The following KCNMA1 variants were observed in gnomAD, a reference collection of about 807,000 sequenced individuals.
KCNMA1 encodes Calcium-activated potassium channel subunit alpha-1.
KCNMA1 carries 29 observed loss-of-function variants against 140.0 expected under a neutral mutation model. The ratio of observed to expected loss-of-function variants is 0.21; its 90% CI spans 0.15 to 0.28. The LOEUF is 0.28. Among genes scored for constraint, KCNMA1 ranks in the 10% least tolerant of loss-of-function variants. The pLI, the probability that KCNMA1 is intolerant of heterozygous loss-of-function variation, is 1.00. For synonymous variants in KCNMA1, 612 were observed against 611.9 expected (o/e 1.00, Z 0.00); for missense variants, 880 against 1,602.2 (o/e 0.55, Z 7.70).
At chr10:76,952,455 T>C (rs1408817670) in intron 21 of KCNMA1, among the ~76,000 whole-genome samples, 1 of 152,140 alleles carries the variant, frequency 6.6e-6, no homozygotes, top group Non-Finnish European at 1.5e-5. Flanking sequence ...GGGAGGCAGA[T>C]GTTTCAGTGA....
chr10:77,262,412 G>C (rs1183640524), intron 2 of KCNMA1, among the ~76,000 whole-genome samples: 1 of 152,122 alleles, frequency 6.6e-6, no homozygotes, highest in Non-Finnish European at 1.5e-5. Flanking sequence ...GTGGGAGAGA[G>C]GGAGAAGTGG....
chr10:77,357,002 T>C (rs548282359), intron 2 of KCNMA1, among the ~76,000 whole-genome samples: 1 of 152,356 alleles, frequency 6.6e-6, no homozygotes, highest in East Asian at 1.9e-4. Context: ...CAATATGATA[T>C]GCATTTGATT....
chr10:76,920,020 GTATATATATATA>G (rs1169838049), intron 23 of KCNMA1, among the ~76,000 whole-genome samples: 2 of 34,432 alleles, frequency 5.8e-5, no homozygotes, highest in African/African-American at 2.1e-4. Context: ...GTGTGTGTGT[GTATATATATATA>G]TATATATATA....
chr10:77,589,760 G>A (rs1012001870), intron 1 of KCNMA1, among the ~76,000 whole-genome samples: 1 of 152,080 alleles, frequency 6.6e-6, no homozygotes, highest in Admixed American at 6.6e-5. Context: ...AGACCTTCGC[G>A]GTGTTACAGC....
At chr10:77,124,708 G>A (rs1426026958) in intron 5 of KCNMA1, among the ~76,000 whole-genome samples, 1 of 152,150 alleles carries the variant, frequency 6.6e-6, no homozygotes, top group Non-Finnish European at 1.5e-5. Context: ...ATGAGCCAAT[G>A]AAGTTCTCCA....
intron 2 of KCNMA1, among the ~76,000 whole-genome samples, chr10:77,312,556 A>G (rs1240662225): frequency 6.6e-6 from 1 of 152,142 alleles, no homozygotes; most frequent in East Asian, 1.9e-4. Flanking sequence ...AACTTGGGAG[A>G]CGGAGATTGT....
intron 3 of KCNMA1, among the ~76,000 whole-genome samples, chr10:77,244,818 C>G (rs1366699776): frequency 2.0e-5 from 3 of 152,140 alleles, no homozygotes; most frequent in African/African-American, 7.2e-5. Context: ...ACAAGACTTC[C>G]CATTGGAGTT....
intron 5 of KCNMA1, among the ~76,000 whole-genome samples, chr10:77,156,772 T>C (rs2098489524): frequency 6.6e-6 from 1 of 152,186 alleles, no homozygotes; most frequent in Non-Finnish European, 1.5e-5. Flanking sequence ...ACTTCTGGCA[T>C]TTCTGGCGAG....
At chr10:76,957,127 C>CAA (rs569115924) in intron 20 of KCNMA1, among the ~76,000 whole-genome samples, 2,220 of 70,476 alleles carry the variant, frequency 0.032, 88 homozygotes, top group East Asian at 0.053. Context: ...GACTCTGTCT[C>CAA]AAAAAAAAAA....
intron 1 of KCNMA1, chr10:77,636,684 C>T: frequency 1.3e-6 from 2 of 1,532,360 alleles, no homozygotes; most frequent in Non-Finnish European, 1.7e-6. Context: ...TCTCTCGCCC[C>T]TCGAAGTCCC....
chr10:77,075,808 C>T (rs1321758713), intron 13 of KCNMA1, among the ~76,000 whole-genome samples: 1 of 152,168 alleles, frequency 6.6e-6, no homozygotes, highest in African/African-American at 2.4e-5. Context: ...GAGACTGACC[C>T]AGGAACATAA....
chr10:77,362,696 G>T (rs1279880774), intron 2 of KCNMA1, among the ~76,000 whole-genome samples: 1 of 152,154 alleles, frequency 6.6e-6, no homozygotes, highest in Non-Finnish European at 1.5e-5. Context: ...CACTAGAATT[G>T]CTGCCAGTCT....
At chr10:77,371,794 C>G (rs569876639) in intron 2 of KCNMA1, among the ~76,000 whole-genome samples, 2 of 152,198 alleles carry the variant, frequency 1.3e-5, no homozygotes, top group African/African-American at 4.8e-5. Context: ...CTCCTGGGAA[C>G]CCTGGAAAAT....
intron 2 of KCNMA1, among the ~76,000 whole-genome samples, chr10:77,388,629 C>T (rs942836606): frequency 3.3e-5 from 5 of 152,160 alleles, no homozygotes; most frequent in African/African-American, 1.2e-4. Context: ...TTTTGCATCT[C>T]TAAAATATAC....
chr10:77,342,071 C>T (rs923452375), intron 2 of KCNMA1, among the ~76,000 whole-genome samples: 1 of 152,166 alleles, frequency 6.6e-6, no homozygotes, highest in African/African-American at 2.4e-5. Flanking sequence ...CCTGTGCCAA[C>T]CTACTGACAT....
intron 29 of KCNMA1, chr10:76,878,037 G>T: frequency 1.3e-6 from 1 of 771,852 alleles, no homozygotes; most frequent in Non-Finnish European, 2.2e-6. Flanking sequence ...GAGAGACAGT[G>T]CAGTGTAGGG....
chr10:77,173,062 G>A (rs1342792381), intron 5 of KCNMA1, among the ~76,000 whole-genome samples: 2 of 152,104 alleles, frequency 1.3e-5, no homozygotes, highest in African/African-American at 2.4e-5. Context: ...ACATACATTT[G>A]GGGCAGATAC....
intron 17 of KCNMA1, chr10:77,012,608 A>C: frequency 3.5e-6 from 5 of 1,432,650 alleles, no homozygotes; most frequent in Non-Finnish European, 4.8e-6. Context: ...CCTCTGTCAA[A>C]CCCCCTCTGG....
intron 1 of KCNMA1, among the ~76,000 whole-genome samples, chr10:77,538,810 A>ATC (rs1452086663): frequency 6.6e-6 from 1 of 152,206 alleles, no homozygotes; most frequent in Non-Finnish European, 1.5e-5. Context: ...CACAAAAGGC[A>ATC]TCTAATCCCA....
Sources: gnomAD v4.1 joint callset for allele counts (sites outside exome capture counted in the v4.1 genomes callset) on GRCh38, gnomAD v4.1.1 for gene constraint, MANE v1.5 for transcripts, NCBI Gene and HGNC (gene_info 2026-07-23, HGNC 2026-07-21) for gene names.